SBF2: variants seen among roughly 807,000 people sequenced by gnomAD.
The protein encoded by SBF2 is myotubularin-related protein 13.
A neutral mutation model predicts 225.2 loss-of-function variants in SBF2; 112 were observed. That is an observed-to-expected ratio of 0.50 (90% confidence interval 0.43 to 0.58). The LOEUF (loss-of-function observed/expected upper bound fraction) is 0.58, where lower values mean the gene tolerates loss of function less well. Ranked by LOEUF, SBF2 falls within the 20% of genes least tolerant of loss-of-function variation. The pLI is 0.00. For synonymous variants in SBF2, 763 were observed against 773.3 expected, an observed-to-expected ratio of 0.99 and a Z score of 0.22; for missense variants, 1,996 against 2,206.2, an observed-to-expected ratio of 0.90 and a Z score of 1.91.
chr11:10,109,187 G>GTGTATA (rs143518066), intron 2 of SBF2, among the ~76,000 whole-genome samples: 77 of 150,084 alleles, frequency 5.1e-4, no homozygotes, highest in African/African-American at 1.7e-3. Flanking sequence ...AGGTATGTGT[G>GTGTATA]TATATATATA....
chr11:9,779,236 A>G lies in SBF2; in HGVS notation c.*1182T>C, dbSNP rs1212120664. 6.5e-6 allele frequency: 1 copy of G among 152,676 alleles called. No individual in the cohort carries two copies. The highest frequency in any genetic ancestry group is 2.4e-5 in the African/African-American group (1 of 41,468). 9.5% of individuals were successfully genotyped at this position (152,676 alleles called of 1,614,324 possible). ...ATTATAAGCAGGCTATCTGAAAAAC[A>G]AGGATATAGAAATCATATATACACA... On this transcript the variant is annotated 3_prime_UTR_variant, in exon 40 of 40. Transcript: ENST00000256190.
chr11:9,973,395 C>T (rs1946543576), intron 13 of SBF2, among the ~76,000 whole-genome samples: 2 of 152,248 alleles, frequency 1.3e-5, no homozygotes, highest in African/African-American at 2.4e-5. Flanking sequence ...CAGAGAAATG[C>T]AAATATAAAG....
chr11:10,109,050 A>G (rs1952712439), intron 2 of SBF2, among the ~76,000 whole-genome samples: 1 of 152,186 alleles, frequency 6.6e-6, no homozygotes, highest in South Asian at 2.1e-4. Flanking sequence ...AGCCTCTTAC[A>G]ATATCTACAA....
At chr11:10,148,171 T>G (rs907528925) in intron 2 of SBF2, among the ~76,000 whole-genome samples, 4 of 152,142 alleles carry the variant, frequency 2.6e-5, no homozygotes, top group Non-Finnish European at 5.9e-5. Flanking sequence ...CTTAACCCAA[T>G]GAAAGTCTAA....
chr11:10,296,399 C>T (rs1310810791), upstream of SBF2, among the ~76,000 whole-genome samples: 8 of 152,158 alleles, frequency 5.3e-5, no homozygotes, highest in South Asian at 8.3e-4. Context: ...GAGAGCAAAG[C>T]GGCAGACAAG....
At chr11:9,945,970 T>G (rs1232697429) in intron 16 of SBF2, among the ~76,000 whole-genome samples, 2 of 152,114 alleles carry the variant, frequency 1.3e-5, no homozygotes, top group African/African-American at 4.8e-5. Context: ...AGGGAATGCT[T>G]ATACTTTGCT....
At chr11:9,842,528 T>G in intron 25 of SBF2, 97 bp downstream of exon 25, 1 of 1,281,070 alleles carries the variant, frequency 7.8e-7, no homozygotes, top group South Asian at 1.2e-5. Flanking sequence ...GAGATCTAGG[T>G]TTTTGTGAAT....
At chr11:10,239,395 C>A (rs1351615043) in intron 1 of SBF2, among the ~76,000 whole-genome samples, 1 of 150,466 alleles carries the variant, frequency 6.6e-6, no homozygotes, top group Admixed American at 6.6e-5. Flanking sequence ...GGGTTAAAAA[C>A]TAAATTTCAA....
chr11:10,104,755 A>G (rs1322630198), intron 2 of SBF2, among the ~76,000 whole-genome samples: 1 of 151,110 alleles, frequency 6.6e-6, no homozygotes, highest in African/African-American at 2.4e-5. Context: ...GCCTCTTCCC[A>G]TAATCCTCCA....
At chr11:10,134,481 A>C (rs1188925564) in intron 2 of SBF2, among the ~76,000 whole-genome samples, 1 of 152,212 alleles carries the variant, frequency 6.6e-6, no homozygotes, top group East Asian at 1.9e-4. Context: ...CCAAAGTCTC[A>C]TCAGAGACAA....
chr11:9,984,145 A>C (rs1453154666), intron 13 of SBF2, among the ~76,000 whole-genome samples: 6 of 152,262 alleles, frequency 3.9e-5, no homozygotes. Flanking sequence ...GGGAGCAGAG[A>C]AAGGCGAAGC....
At chr11:10,168,270 G>C (rs552345481) in intron 2 of SBF2, among the ~76,000 whole-genome samples, 1 of 152,188 alleles carries the variant, frequency 6.6e-6, no homozygotes, top group Admixed American at 6.5e-5. Context: ...GAATAGACTA[G>C]AATCTATCAT....
In SBF2 at chr11:9,998,193, C is replaced by A. The variant is rs1244275905; in HGVS notation, c.975+73G>T. ...TAAAGTAACAAACTGCATTGACAAA[C>A]ATTTTTAATTTTAGCTATCTTAGCT... is the stretch of plus-strand genomic sequence containing the variant. On this transcript the variant is annotated intron_variant, in intron 9 of 39. Transcript: ENST00000256190. 3.3e-6 allele frequency: 3 copies of A among 899,440 alleles called. No individual in the cohort carries two copies. In the African/African-American group the frequency reaches 5.1e-5, roughly 15 times the overall value. The allele number at this position is 899,440 out of a possible 1,614,324, so 55.7% of individuals were successfully genotyped here.
At chr11:10,286,709 G>A (rs1391424064) in intron 1 of SBF2, among the ~76,000 whole-genome samples, 1 of 151,804 alleles carries the variant, frequency 6.6e-6, no homozygotes, top group Non-Finnish European at 1.5e-5. Context: ...GTTTATTAGA[G>A]AAGTTAACAA....
chr11:10,142,101 GT>G (rs1433192003), intron 2 of SBF2, among the ~76,000 whole-genome samples: 6 of 152,166 alleles, frequency 3.9e-5, no homozygotes, highest in African/African-American at 1.4e-4. Context: ...TAGCAGAGGA[GT>G]AACCTGTGTC....
chr11:9,868,402 C>CA (rs2134039583), intron 17 of SBF2, among the ~76,000 whole-genome samples: 1 of 149,210 alleles, frequency 6.7e-6, no homozygotes, highest in East Asian at 2.0e-4. Context: ...CCTGTAGTCC[C>CA]AGCTACTCGG....
At chr11:10,036,803 C>A (rs567892322) in intron 3 of SBF2, among the ~76,000 whole-genome samples, 8 of 152,116 alleles carry the variant, frequency 5.3e-5, no homozygotes, top group African/African-American at 1.9e-4. Flanking sequence ...ACATCTGAGA[C>A]GCCAAACTGT....
chr11:10,200,503 T>C (rs1957531953), intron 1 of SBF2, among the ~76,000 whole-genome samples: 1 of 152,216 alleles, frequency 6.6e-6, no homozygotes, highest in Non-Finnish European at 1.5e-5. Flanking sequence ...CTTGATTTAC[T>C]GGAGTTACTT....
In SBF2 at chr11:9,780,084, C is replaced by T. The variant is rs1044082903; in HGVS notation, c.*334G>A. 2.8e-6 allele frequency: 1 copy of T among 353,696 alleles called. No individual in the cohort carries two copies. The highest frequency in any genetic ancestry group is 2.1e-5 in the African/African-American group (1 of 47,800). The allele number at this position is 353,696 out of a possible 1,614,324, so 21.9% of individuals were successfully genotyped here. A position where few individuals can be genotyped will look rare whatever the true frequency, so the allele number is the denominator to read the frequency against. ...TCAGAGAACAAAAAAGGATCTATAG[C>T]TTTCATGAAGAAGGACCCAAGTAGG... On this transcript the variant is annotated 3_prime_UTR_variant, in exon 40 of 40. Coordinates refer to ENST00000256190, the MANE Select transcript of SBF2 (RefSeq NM_030962.4).
Sources: allele counts gnomAD v4.1 joint callset (sites outside exome capture counted in the v4.1 genomes callset), GRCh38; gene constraint gnomAD v4.1.1; transcripts MANE v1.5; gene names NCBI Gene and HGNC (gene_info 2026-07-23, HGNC 2026-07-21).